Variants in FAR2 observed in about 807,000 individuals in gnomAD.
The protein encoded by FAR2 is epididymis secretory protein Li 81.
A neutral mutation model predicts 56.0 loss-of-function variants in FAR2; 19 were observed. The observed-to-expected ratio is 0.34, with a 90% confidence interval of 0.24 to 0.50. The LOEUF is 0.50. Ranked by LOEUF, FAR2 falls within the 20% of genes least tolerant of loss-of-function variation. The pLI, the probability that FAR2 is intolerant of heterozygous loss-of-function variation, is 0.98. For missense variants in FAR2, 508 were observed against 642.2 expected (o/e 0.79, Z 2.26); for synonymous variants, 219 against 218.8 (o/e 1.00, Z -0.01).
chr12:29,233,794 C>T (rs980971461), intron 1 of FAR2, among the ~76,000 whole-genome samples: 1 of 152,166 alleles, frequency 6.6e-6, no homozygotes, highest in African/African-American at 2.4e-5. Context: ...ATTCTAGCTC[C>T]TTCTTCCCTC....
At chr12:29,273,127 T>G (rs1178096207) in intron 2 of FAR2, among the ~76,000 whole-genome samples, 1 of 152,144 alleles carries the variant, frequency 6.6e-6, no homozygotes, top group Non-Finnish European at 1.5e-5. Flanking sequence ...GTTGTGGCAT[T>G]GGGAGTAGGA....
At chr12:29,320,335 TA>T (rs991254736) in intron 9 of FAR2, among the ~76,000 whole-genome samples, 1 of 152,240 alleles carries the variant, frequency 6.6e-6, no homozygotes, top group African/African-American at 2.4e-5. Flanking sequence ...ACAATTAAAA[TA>T]AATGTATTGA....
chr12:29,230,747 G>C (rs1483333257), intron 1 of FAR2, among the ~76,000 whole-genome samples: 1 of 152,140 alleles, frequency 6.6e-6, no homozygotes, highest in South Asian at 2.1e-4. Flanking sequence ...GAGAAAAAGA[G>C]AGTCAAGGGT....
intron 1 of FAR2, among the ~76,000 whole-genome samples, chr12:29,267,683 T>C (rs1222250681): frequency 2.6e-5 from 4 of 152,212 alleles, no homozygotes; most frequent in Non-Finnish European, 5.9e-5. Flanking sequence ...TTATGTAACA[T>C]GACAAAAACA....
At chr12:29,270,293 C>G in intron 1 of FAR2, 119 bp from the exon 2 acceptor site, 9 of 656,834 alleles carry the variant, frequency 1.4e-5, no homozygotes, top group Non-Finnish European at 2.2e-5. Flanking sequence ...GATGCTCTCA[C>G]TGTCTGACCT....
chr12:29,256,371 A>G (rs903959117), intron 1 of FAR2, among the ~76,000 whole-genome samples: 2 of 152,090 alleles, frequency 1.3e-5, no homozygotes, highest in African/African-American at 4.8e-5. Flanking sequence ...CATTTTTAGT[A>G]GAGACGGGGT....
rs200836586 is a variant in FAR2 at position 29,255,619 on chromosome 12, C to CT, written c.-38-14784dup. On this transcript the variant is annotated intron_variant, in intron 1 of 11. Coordinates refer to ENST00000536681, the MANE Select transcript of FAR2 (RefSeq NM_001271783.2). ...ACTGGCTATCACTACTTTCTTTTTT[C>CT]TTTTTTTTTCTTTTTCTTTTTTGAG... Among the ~76,000 whole-genome samples, 1,232 of 151,234 alleles carry CT rather than the reference C, an allele frequency of 8.1e-3. 13 individuals are homozygous for CT. Among genetic ancestry groups the CT allele is most frequent in the African/African-American group, 0.027 (1,126 of 41,236 alleles).
Position 29,311,940 on chromosome 12 carries a change from G to A in FAR2, c.945G>A (p.Trp315Ter). ...CTGGTAACATGAATCCCTGCAATTG[G>A]CACAAAATGGGTAAGTACTTTAGCT... Reference protein sequence around the residue: ...ITSGNMNPCNWHKMGVQVLAT... With the variant: ...ITSGNMNPCN The change falls in exon 8 of 12, where the codon TGG becomes TGA. Residue 315 changes from tryptophan (W) to a stop codon, truncating the protein, a stop_gained. Transcript: ENST00000536681. LOFTEE classifies it high-confidence loss of function. 1 of 1,608,280 alleles carries A rather than the reference G, an allele frequency of 6.2e-7. No homozygotes were observed. Among genetic ancestry groups the A allele is most frequent in the Non-Finnish European group, 8.5e-7 (1 of 1,176,172 alleles).
chr12:29,194,316 C>T (rs1240729698), intron 1 of FAR2, among the ~76,000 whole-genome samples: 1 of 152,086 alleles, frequency 6.6e-6, no homozygotes, highest in African/African-American at 2.4e-5. Context: ...TGACTAGATT[C>T]AATGGAATGG....
At chr12:29,314,037 TATG>T (rs1949400057) in intron 8 of FAR2, among the ~76,000 whole-genome samples, 1 of 152,212 alleles carries the variant, frequency 6.6e-6, no homozygotes, top group Admixed American at 6.5e-5. Flanking sequence ...CATTTAGTTG[TATG>T]ATGTTTATGT....
chr12:29,220,840 C>T (rs1039802457), intron 1 of FAR2, among the ~76,000 whole-genome samples: 3 of 152,076 alleles, frequency 2.0e-5, no homozygotes, highest in African/African-American at 7.2e-5. Flanking sequence ...AAGTAAAGTA[C>T]ACTTGGAAGA....
intron 6 of FAR2, among the ~76,000 whole-genome samples, chr12:29,310,500 CA>C (rs200876767): frequency 6.0e-5 from 9 of 150,054 alleles, no homozygotes; most frequent in African/African-American, 1.2e-4. Flanking sequence ...TTTTCCAAGC[CA>C]AAAAAAAAGT....
chr12:29,214,989 A>G (rs1396086211), intron 1 of FAR2, among the ~76,000 whole-genome samples: 2 of 152,204 alleles, frequency 1.3e-5, no homozygotes, highest in Non-Finnish European at 2.9e-5. Context: ...TGAATGTAAT[A>G]AAAGAAGCAG....
At chr12:29,152,201 A>C (rs1343378630) in intron 1 of FAR2, among the ~76,000 whole-genome samples, 1 of 152,226 alleles carries the variant, frequency 6.6e-6, no homozygotes, top group Non-Finnish European at 1.5e-5. Context: ...GAACGGTGAG[A>C]AAATGAGCCA....
chr12:29,247,832 T>C (rs969334833), intron 1 of FAR2, among the ~76,000 whole-genome samples: 1 of 152,236 alleles, frequency 6.6e-6, no homozygotes, highest in South Asian at 2.1e-4. Context: ...CATGCCATAG[T>C]AGTACAATAA....
rs759840323 is a variant in FAR2 at position 29,333,211 on chromosome 12, AG to A, written c.1386-419del. On this transcript the variant is annotated intron_variant, in intron 11 of 11. Coordinates refer to ENST00000536681, the MANE Select transcript of FAR2 (RefSeq NM_001271783.2). Reference sequence around the variant, plus strand: ...TCTGGTATAATCCTGGTAGAAGCAGAGGATCTGTAGTGCAGAGATGATAAGG... The same window carrying A: ...TCTGGTATAATCCTGGTAGAAGCAGAGATCTGTAGTGCAGAGATGATAAGG... The A allele has an allele frequency of 2.1e-5, 6 of 287,478 alleles. No individual in the cohort carries two copies. The South Asian group carries it at 2.2e-4, about 11-fold the overall frequency. 17.8% of individuals were successfully genotyped at this position (287,478 alleles called of 1,614,324 possible). A position where few individuals can be genotyped will look rare whatever the true frequency, so the allele number is the denominator to read the frequency against.
intron 1 of FAR2, among the ~76,000 whole-genome samples, chr12:29,186,956 T>G (rs1003199019): frequency 6.6e-6 from 1 of 151,884 alleles, no homozygotes; most frequent in Admixed American, 6.6e-5. Flanking sequence ...AACCGGCTAA[T>G]TTTTTGTATT....
intron 1 of FAR2, among the ~76,000 whole-genome samples, chr12:29,243,558 A>G (rs1338173636): frequency 1.3e-5 from 2 of 152,152 alleles, no homozygotes; most frequent in African/African-American, 4.8e-5. Flanking sequence ...GCTATCTGGT[A>G]TGTTTTTCTT....
At position 29,165,000 on chromosome 12, in the gene FAR2, G is replaced by A. The variant is rs1356833257; in HGVS notation, c.-39+15593G>A. 2.0e-5 allele frequency among the ~76,000 whole-genome samples: 3 copies of A among 152,120 alleles called. No homozygotes were observed. The East Asian group carries it at 5.8e-4, about 29-fold the overall frequency. ...CTCATACTGTTGGTTTATAATATAT[G>A]TTCCAGTTTGTGAATTGTCTTTTCA... On this transcript the variant is annotated intron_variant, in intron 1 of 11. Coordinates refer to ENST00000536681, the MANE Select transcript of FAR2 (RefSeq NM_001271783.2).
Sources: allele counts gnomAD v4.1 joint callset (sites outside exome capture counted in the v4.1 genomes callset), GRCh38; gene constraint gnomAD v4.1.1; transcripts MANE v1.5; gene names NCBI Gene and HGNC (gene_info 2026-07-23, HGNC 2026-07-21).